Variants in TEKTL1 observed in about 807,000 individuals in gnomAD.
The protein encoded by TEKTL1 is tektin like 1.
At chr19:15,016,897 A>G in the TEKTL1 span, among the ~76,000 whole-genome samples, 1 of 152,182 alleles carries the variant, frequency 6.6e-6, no homozygotes, top group African/African-American at 2.4e-5. Flanking sequence ...ATGGAAATTT[A>G]TCAACTCCTT....
At chr19:15,021,238 T>A in the TEKTL1 span, 1 of 1,366,074 alleles carries the variant, frequency 7.3e-7, no homozygotes, top group East Asian at 2.5e-5. Context: ...TTTCACCCAG[T>A]TCCTCAATAA....
the TEKTL1 span, chr19:15,013,663 G>A: frequency 3.9e-5 from 63 of 1,605,896 alleles, 1 homozygote; most frequent in East Asian, 2.9e-4. Context: ...TTCTCTCCTC[G>A]TTTTCTAGGT....
At chr19:15,012,731 C>T in the TEKTL1 span, among the ~76,000 whole-genome samples, 115 of 152,004 alleles carry the variant, frequency 7.6e-4, no homozygotes, top group African/African-American at 2.2e-3. Flanking sequence ...CTGATTCAGA[C>T]TCCTTGAAAA....
chr19:15,022,722 G>GC, the TEKTL1 span: 1 of 522,860 alleles, frequency 1.9e-6, no homozygotes, highest in Non-Finnish European at 3.1e-6. Context: ...CCCTGTCGCG[G>GC]TTTTTTTTTT....
At chr19:15,023,186 A>AG in the TEKTL1 span, 17 of 1,422,456 alleles carry the variant, frequency 1.2e-5, no homozygotes, top group Non-Finnish European at 1.6e-5. Context: ...GAGCAGACAC[A>AG]GCCCCATGGC....
chr19:15,015,202 G>C, the TEKTL1 span, among the ~76,000 whole-genome samples: 1 of 152,116 alleles, frequency 6.6e-6, no homozygotes, highest in African/African-American at 2.4e-5. Flanking sequence ...GAGTGAGAGA[G>C]AGAGGTGGGA....
At chr19:15,023,103 G>C in the TEKTL1 span, 25 of 1,606,352 alleles carry the variant, frequency 1.6e-5, no homozygotes, top group Non-Finnish European at 2.1e-5. Context: ...CGCAGCAAGA[G>C]CAGCGCGGAC....
chr19:15,015,061 G>A, the TEKTL1 span, among the ~76,000 whole-genome samples: 3 of 152,154 alleles, frequency 2.0e-5, no homozygotes, highest in South Asian at 6.2e-4. Flanking sequence ...ACAGTTGCAA[G>A]TGCCTGCAGT....
the TEKTL1 span, chr19:15,011,279 C>A: frequency 6.6e-7 from 1 of 1,522,712 alleles, no homozygotes; most frequent in Non-Finnish European, 8.8e-7. Context: ...CGGGCGGGTG[C>A]GACAGCTGCT....
At chr19:15,016,861 A>G in the TEKTL1 span, among the ~76,000 whole-genome samples, 1 of 152,192 alleles carries the variant, frequency 6.6e-6, no homozygotes, top group African/African-American at 2.4e-5. Flanking sequence ...AATTTTACTT[A>G]CAAAAACAGG....
the TEKTL1 span, among the ~76,000 whole-genome samples, chr19:15,019,852 G>A: frequency 2.0e-5 from 3 of 151,620 alleles, no homozygotes; most frequent in Middle Eastern, 3.2e-3. Context: ...ATACAAATTA[G>A]CTGTCTCAGG....
the TEKTL1 span, among the ~76,000 whole-genome samples, chr19:15,012,762 C>T: frequency 1.3e-5 from 2 of 151,936 alleles, no homozygotes; most frequent in Non-Finnish European, 2.9e-5. Flanking sequence ...AAGTAAAACC[C>T]ACAGCCCTCA....
At chr19:15,018,155 C>T in the TEKTL1 span, among the ~76,000 whole-genome samples, 1 of 152,160 alleles carries the variant, frequency 6.6e-6, no homozygotes, top group East Asian at 1.9e-4. Context: ...AAGTTTCAGA[C>T]CAGCCTGGCC....
At chr19:15,014,734 G>GGGC in the TEKTL1 span, among the ~76,000 whole-genome samples, 22 of 120,666 alleles carry the variant, frequency 1.8e-4, no homozygotes, top group Non-Finnish European at 3.6e-4. Context: ...GGGGGGGCGG[G>GGGC]GGGCGGGGGC....
chr19:15,023,153 T>A, the TEKTL1 span: 1 of 1,539,648 alleles, frequency 6.5e-7, no homozygotes, highest in Non-Finnish European at 8.7e-7. Flanking sequence ...GCCAGCTGAT[T>A]GGATGCTGGC....
the TEKTL1 span, chr19:15,021,834 C>T: frequency 5.0e-6 from 8 of 1,614,092 alleles, no homozygotes; most frequent in Admixed American, 3.3e-5. Context: ...CACCTGGAGA[C>T]CGCAGAAAAG....
the TEKTL1 span, chr19:15,013,562 C>A: frequency 1.3e-6 from 1 of 742,856 alleles, no homozygotes; most frequent in Admixed American, 2.6e-5. Context: ...TCAACTTCAT[C>A]CTTCAAACTC....
the TEKTL1 span, among the ~76,000 whole-genome samples, chr19:15,021,155 A>G: frequency 6.6e-6 from 1 of 152,080 alleles, no homozygotes; most frequent in Non-Finnish European, 1.5e-5. Flanking sequence ...TGCTGGGATT[A>G]CAGGTTACAG....
At chr19:15,011,039 C>A in the TEKTL1 span, 1 of 1,578,566 alleles carries the variant, frequency 6.3e-7, no homozygotes, top group Non-Finnish European at 8.6e-7. Context: ...CCAGCCCTGG[C>A]GCTTCCGCGT....
Sources: allele counts gnomAD v4.1 joint callset (sites outside exome capture counted in the v4.1 genomes callset), GRCh38; gene constraint gnomAD v4.1.1; transcripts MANE v1.5; gene names NCBI Gene and HGNC (gene_info 2026-07-23, HGNC 2026-07-21).